Variants in BAG4 observed in about 807,000 individuals in gnomAD.
BAG4 encodes the protein BAG cochaperone 4.
In BAG4, 28 loss-of-function variants were observed where a neutral mutation model predicts 52.1. That is an observed-to-expected ratio of 0.54 (90% CI 0.40 to 0.74). BAG4 has a LOEUF of 0.74. Among genes scored for constraint, BAG4 ranks in the 30% least tolerant of loss-of-function variants. The pLI is 0.00. For missense variants in BAG4, 525 were observed against 572.0 expected, an observed-to-expected ratio of 0.92 and a Z score of 0.84; for synonymous variants, 208 against 217.0, an observed-to-expected ratio of 0.96 and a Z score of 0.37.
intron 1 of BAG4, among the ~76,000 whole-genome samples, chr8:38,181,886 CAAAAAAA>C (rs34268146): frequency 0.015 from 541 of 37,224 alleles, 5 homozygotes; most frequent in African/African-American, 0.056. Flanking sequence ...GAGACTATCT[CAAAAAAA>C]AAAAAAAAAA....
intron 1 of BAG4, among the ~76,000 whole-genome samples, chr8:38,178,174 G>A (rs958376155): frequency 1.6e-5 from 1 of 61,878 alleles, no homozygotes; most frequent in Non-Finnish European, 3.3e-5. Flanking sequence ...TTTTTTTTTT[G>A]AGTTGGAGTC....
rs150623245 is a variant in BAG4 at position 38,195,806 on chromosome 8, A to G, written c.378+3011A>G. Among the ~76,000 whole-genome samples, 443 of 152,296 alleles carry G rather than the reference A, an allele frequency of 2.9e-3. 1 individual carries two copies. Among genetic ancestry groups the G allele is most frequent in the African/African-American group, 0.01 (417 of 41,564 alleles). ...TAAAATCCACCCTTCAAAGTGTACA[A>G]TTCATTTGGTTTTTAGTATATTCAC... On this transcript the variant is annotated intron_variant, in intron 2 of 4. Transcript: ENST00000287322.
Position 38,209,242 on chromosome 8 carries a change from C to G in BAG4, c.863C>G (p.Pro288Arg), listed in dbSNP as rs1254701065. The G allele has an allele frequency of 1.2e-6, 2 of 1,614,188 alleles. No individual in the cohort carries two copies. Among genetic ancestry groups the G allele is most frequent in the Non-Finnish European group, 1.7e-6 (2 of 1,180,030 alleles). ...WPSSGSPQSP[P>R]SPPVQQPKDS... Reference sequence around the variant, plus strand: ...AGCAGTGGCTCTCCCCAGTCACCCCCTTCACCCCCAGTCCAGCAGCCCAAG... The same window carrying G: ...AGCAGTGGCTCTCCCCAGTCACCCCGTTCACCCCCAGTCCAGCAGCCCAAG... The change falls in exon 4 of 5, where the codon CCT (proline) becomes CGT (arginine). Residue 288 changes from proline to arginine, a missense_variant. This residue lies in a region of BAG4 where 238 missense variants were observed against 305.8 expected (regional missense o/e 0.78). Transcript: ENST00000287322.
rs193259612 is a variant in BAG4 at position 38,210,688 on chromosome 8, G to A, written c.*195G>A. The A allele has an allele frequency of 1.2e-5, 8 of 678,854 alleles. No homozygotes were observed. The highest frequency in any genetic ancestry group is 1.3e-5 in the Non-Finnish European group (6 of 453,790). 42.1% of individuals were successfully genotyped at this position (678,854 alleles called of 1,614,324 possible). A position where few individuals can be genotyped will look rare whatever the true frequency, so the allele number is the denominator to read the frequency against. On this transcript the variant is annotated 3_prime_UTR_variant, in exon 5 of 5. Transcript: ENST00000287322. Reference sequence around the variant, plus strand: ...CATGAGTTGTTTTCAGTTTTCAGACGAATGAATGTAATAGGAAACTATGGA... The same window carrying A: ...CATGAGTTGTTTTCAGTTTTCAGACAAATGAATGTAATAGGAAACTATGGA...
chr8:38,202,716 A>T (rs1803702498), intron 2 of BAG4, among the ~76,000 whole-genome samples: 2 of 151,264 alleles, frequency 1.3e-5, no homozygotes, highest in African/African-American at 4.9e-5. Flanking sequence ...TAATTTTTGT[A>T]TTTTTTGTAG....
At chr8:38,209,615 T>A (rs1803834060) in intron 4 of BAG4, 2 of 370,454 alleles carry the variant, frequency 5.4e-6, no homozygotes, top group South Asian at 7.5e-5. Flanking sequence ...CATGAGCTTG[T>A]ATTTAAACCA....
chr8:38,209,694 A>T, intron 4 of BAG4: 1 of 369,196 alleles, frequency 2.7e-6, no homozygotes, highest in Non-Finnish European at 4.9e-6. Context: ...TTAACCTTTT[A>T]GGGGAAAAAC....
chr8:38,199,780 CCCAAAGTG>C (rs1311112649), intron 2 of BAG4, among the ~76,000 whole-genome samples: 6 of 152,112 alleles, frequency 3.9e-5, no homozygotes, highest in Non-Finnish European at 7.4e-5. Flanking sequence ...GCCTCAGCTT[CCCAAAGTG>C]CTGGGATTAC....
At chr8:38,187,602 G>T (rs1233991432) in intron 1 of BAG4, among the ~76,000 whole-genome samples, 2 of 152,066 alleles carry the variant, frequency 1.3e-5, no homozygotes, top group Non-Finnish European at 2.9e-5. Flanking sequence ...AACATTTGTA[G>T]ACATAATGTG....
At chr8:38,187,711 T>C (rs1803386794) in intron 1 of BAG4, among the ~76,000 whole-genome samples, 1 of 152,028 alleles carries the variant, frequency 6.6e-6, no homozygotes, top group Non-Finnish European at 1.5e-5. Context: ...AATCAGAAGC[T>C]GATTCTGATG....
chr8:38,195,985 G>A (rs1803554183), intron 2 of BAG4, among the ~76,000 whole-genome samples: 2 of 152,078 alleles, frequency 1.3e-5, no homozygotes, highest in Non-Finnish European at 2.9e-5. Context: ...CAGACATTTT[G>A]TATGGAATCA....
At position 38,211,397 on chromosome 8, in the gene BAG4, G is replaced by A. The variant is rs1223105950; in HGVS notation, c.*904G>A. Reference sequence around the variant, plus strand: ...TTTTTTTTTTTTTCCCCAAAGTGTAGTTATGTTTTCACTATTGCTGCTTCT... The same window carrying A: ...TTTTTTTTTTTTTCCCCAAAGTGTAATTATGTTTTCACTATTGCTGCTTCT... On this transcript the variant is annotated 3_prime_UTR_variant, in exon 5 of 5. Coordinates refer to ENST00000287322, the MANE Select transcript of BAG4 (RefSeq NM_004874.4). The A allele has an allele frequency of 2.0e-5, 3 of 147,324 alleles. No individual in the cohort carries two copies. The highest frequency in any genetic ancestry group is 4.5e-5 in the Non-Finnish European group (3 of 66,998). 9.1% of individuals were successfully genotyped at this position (147,324 alleles called of 1,614,324 possible).
At chr8:38,182,383 T>A (rs1803287859) in intron 1 of BAG4, among the ~76,000 whole-genome samples, 1 of 152,176 alleles carries the variant, frequency 6.6e-6, no homozygotes, top group Admixed American at 6.5e-5. Context: ...GGGGTTTCAG[T>A]TTGGGGGAAT....
chr8:38,192,277 C>T (rs184572339), intron 1 of BAG4, among the ~76,000 whole-genome samples: 1 of 152,234 alleles, frequency 6.6e-6, no homozygotes, highest in East Asian at 1.9e-4. Flanking sequence ...TGCTAATCAT[C>T]TTGATGTAGT....
intron 2 of BAG4, among the ~76,000 whole-genome samples, chr8:38,207,063 C>T (rs1312726278): frequency 6.6e-6 from 1 of 151,706 alleles, no homozygotes; most frequent in African/African-American, 2.4e-5. Context: ...AGCGATTCTC[C>T]TGCGTCAGCC....
intron 1 of BAG4, among the ~76,000 whole-genome samples, chr8:38,188,929 G>A (rs1803420831): frequency 1.3e-5 from 2 of 150,908 alleles, no homozygotes; most frequent in Non-Finnish European, 2.9e-5. Flanking sequence ...AAGTAGCTAG[G>A]ACTACGGGTG....
chr8:38,208,926 A>C, intron 3 of BAG4, 87 bp from the exon 4 acceptor site: 2 of 1,436,834 alleles, frequency 1.4e-6, no homozygotes, highest in Non-Finnish European at 9.4e-7. Context: ...TTAAGAAGAG[A>C]GGAAGCATCT....
In BAG4 at chr8:38,207,650, T is replaced by C. The variant is rs140270832; in HGVS notation, c.517T>C (p.Tyr173His). 7 of 1,614,128 alleles carry C rather than the reference T, an allele frequency of 4.3e-6. No individual in the cohort carries two copies. The highest frequency in any genetic ancestry group is 5.1e-6 in the Non-Finnish European group (6 of 1,180,006). Residue 173 changes from tyrosine to histidine, a missense_variant, in exon 3 of 5, where the codon TAC becomes CAC. Tyr to His is a moderately conservative substitution (Grantham distance 83). Transcript: ENST00000287322. ...TSYSTEVPST[Y>H]RSSGNSPTPV... The stretch of plus-strand genomic sequence containing the variant: ...TTACTCCACAGAAGTTCCAAGTACT[T>C]ACCGTTCATCTGGCAACAGCCCAAC...
intron 1 of BAG4, among the ~76,000 whole-genome samples, chr8:38,188,995 G>C (rs574437071): frequency 1.8e-4 from 27 of 148,340 alleles, no homozygotes; most frequent in African/African-American, 6.0e-4. Context: ...GTCTCACCCT[G>C]TTGCCCAGGC....
Sources: gnomAD v4.1 joint callset for allele counts (sites outside exome capture counted in the v4.1 genomes callset) on GRCh38, gnomAD v4.1.1 for gene constraint, gnomAD v4.1.1 regional missense constraint, MANE v1.5 for transcripts, NCBI Gene and HGNC (gene_info 2026-07-23, HGNC 2026-07-21) for gene names.